The following SERPINF1 variants were observed in gnomAD, a reference collection of about 807,000 sequenced individuals.
SERPINF1 encodes pigment epithelium-derived factor.
A neutral mutation model predicts 37.3 loss-of-function variants in SERPINF1; 29 were observed. The observed-to-expected ratio is 0.78, with a 90% CI of 0.58 to 1.06. SERPINF1 has a LOEUF of 1.06. Among genes scored for constraint, SERPINF1 ranks in the 50% least tolerant of loss-of-function variants. The pLI, the probability that SERPINF1 is intolerant of heterozygous loss-of-function variation, is 0.00. For missense variants in SERPINF1, 553 were observed against 532.2 expected, an observed-to-expected ratio of 1.04 and a Z score of -0.38; for synonymous variants, 281 against 227.9, an observed-to-expected ratio of 1.23 and a Z score of -2.10.
At chr17:1,767,361 C>T (rs533245563) in intron 2 of SERPINF1, among the ~76,000 whole-genome samples, 5 of 152,294 alleles carry the variant, frequency 3.3e-5, no homozygotes, top group Admixed American at 6.5e-5. Context: ...AGGCTGGTCT[C>T]GAACTCCCGA....
chr17:1,765,143 C>CTTT (rs34386380), intron 1 of SERPINF1, among the ~76,000 whole-genome samples: 3 of 124,778 alleles, frequency 2.4e-5, no homozygotes, highest in Admixed American at 8.3e-5. Flanking sequence ...TGCGCCTGGC[C>CTTT]TTTTTTTTTT....
chr17:1,776,868 T>G (rs1908066392), intron 7 of SERPINF1, 126 bp downstream of exon 7: 1 of 882,760 alleles, frequency 1.1e-6, no homozygotes, highest in Non-Finnish European at 1.8e-6. Flanking sequence ...GATGAGTCCT[T>G]AATCCTCATC....
intron 2 of SERPINF1, among the ~76,000 whole-genome samples, chr17:1,769,510 G>A (rs1049637946): frequency 6.6e-6 from 1 of 152,170 alleles, no homozygotes; most frequent in African/African-American, 2.4e-5. Context: ...TGTAATCCCA[G>A]CCATTTGGGA....
rs747985883 is a variant in SERPINF1 at position 1,775,243 on chromosome 17, A to AGG, written c.786+44_786+45dup. On this transcript the variant is annotated intron_variant, in intron 6 of 7. Transcript: ENST00000254722. The stretch of plus-strand genomic sequence containing the variant: ...CAGGGTGGGGGGTGGATGGAGGGAG[A>AGG]GGATAGAGAAGCAAAACAGGGTAGT... 2.5e-6 allele frequency: 4 copies of AGG among 1,590,962 alleles called. No homozygotes were observed. The East Asian group carries it at 9.0e-5, about 36-fold the overall frequency.
chr17:1,777,531 T>A lies in SERPINF1; in HGVS notation c.*85T>A. Reference sequence around the variant, plus strand: ...GGACACGAAGGCTGCCCCTGTAAGGTTTCAATGCATACAATAAAAGAGCTT... The same window carrying A: ...GGACACGAAGGCTGCCCCTGTAAGGATTCAATGCATACAATAAAAGAGCTT... On this transcript the variant is annotated 3_prime_UTR_variant, in exon 8 of 8. Transcript: ENST00000254722. 1 of 1,521,090 alleles carries A rather than the reference T, an allele frequency of 6.6e-7. No individual in the cohort carries two copies. Among genetic ancestry groups the A allele is most frequent in the South Asian group, 1.1e-5 (1 of 88,528 alleles). The allele number at this position is 1,521,090 out of a possible 1,614,324, so 94.2% of individuals were successfully genotyped here. A position where few individuals can be genotyped will look rare whatever the true frequency, so the allele number is the denominator to read the frequency against.
intron 2 of SERPINF1, among the ~76,000 whole-genome samples, chr17:1,768,855 G>T (rs1027983345): frequency 2.6e-5 from 4 of 151,770 alleles, no homozygotes; most frequent in African/African-American, 9.7e-5. Flanking sequence ...ACCCAGGCTG[G>T]AGTACAGTGG....
At chr17:1,762,491 G>T (rs557784624) in intron 1 of SERPINF1, among the ~76,000 whole-genome samples, 1 of 152,330 alleles carries the variant, frequency 6.6e-6, no homozygotes, top group Admixed American at 6.5e-5. Context: ...GAGGCAAGGA[G>T]GCTCACGGGA....
intron 5 of SERPINF1, among the ~76,000 whole-genome samples, chr17:1,774,677 G>A (rs1390232595): frequency 1.3e-5 from 2 of 151,898 alleles, no homozygotes; most frequent in African/African-American, 4.8e-5. Context: ...GGCCAGGCTG[G>A]TCTCAAACTC....
At position 1,776,726 on chromosome 17, in the gene SERPINF1, G is replaced by C. The variant is rs748169395; in HGVS notation, c.981G>C (p.Lys327Asn). ...TGAGTTATGAAGGCGAAGTCACCAA[G>C]TCCCTGCAGGAGATGAGTATGTCTG... ...LKLSYEGEVTKSLQEMKLQSL... is the reference protein window; with the variant it reads ...LKLSYEGEVTNSLQEMKLQSL... The change falls in exon 7 of 8, where the codon AAG becomes AAC. Residue 327 changes from lysine to asparagine, a missense_variant. Lys to Asn is a moderately conservative substitution (Grantham distance 94, BLOSUM62 0). Coordinates refer to ENST00000254722, the MANE Select transcript of SERPINF1 (RefSeq NM_002615.7). 47 of 1,613,052 alleles carry C rather than the reference G, an allele frequency of 2.9e-5. No homozygotes were observed. In the Admixed American group the frequency reaches 7.3e-4, roughly 25 times the overall value.
At chr17:1,770,452 C>CT (rs35913837) in intron 3 of SERPINF1, 13,096 of 161,954 alleles carry the variant, frequency 0.081, 618 homozygotes, top group African/African-American at 0.16. Context: ...ACAGAATAGT[C>CT]TTTTTTTTTT....
chr17:1,768,605 C>CT (rs1567753486), intron 2 of SERPINF1, among the ~76,000 whole-genome samples: 1 of 151,378 alleles, frequency 6.6e-6, no homozygotes, highest in African/African-American at 2.4e-5. Context: ...TCCCAAATAG[C>CT]TGGGACCACA....
chr17:1,770,521 G>C (rs906135724), intron 3 of SERPINF1: 3 of 219,532 alleles, frequency 1.4e-5, no homozygotes, highest in Non-Finnish European at 2.7e-5. Flanking sequence ...GTGCAGTGGT[G>C]TGATCTCAGC....
chr17:1,769,679 A>G (rs989272685), intron 2 of SERPINF1, 173 bp from the exon 3 acceptor site: 23 of 702,788 alleles, frequency 3.3e-5, no homozygotes, highest in Non-Finnish European at 5.1e-5. Flanking sequence ...CAGAGAGCTC[A>G]TGCGTGATCA....
intron 2 of SERPINF1, among the ~76,000 whole-genome samples, chr17:1,769,358 G>A (rs1250277141): frequency 6.7e-6 from 1 of 149,850 alleles, no homozygotes; most frequent in Admixed American, 6.7e-5. Flanking sequence ...GCAGTGAGCC[G>A]AGATCACGCC....
In SERPINF1 at chr17:1,775,124, G is replaced by A. The variant is rs1354774384; in HGVS notation, c.710G>A (p.Arg237Lys). 1.2e-6 allele frequency: 2 copies of A among 1,614,114 alleles called. No homozygotes were observed. Among genetic ancestry groups the A allele is most frequent in the East Asian group, 2.2e-5 (1 of 44,870 alleles). ...GAGGATTTCTACTTGGATGAAGAGA[G>A]GACCGTGAGGGTCCCCATGATGTCG... ...SLEDFYLDEE[R>K]TVRVPMMSDP... is the part of the protein sequence containing the mutation. Residue 237 changes from arginine to lysine, a missense_variant, in exon 6 of 8, where the codon AGG becomes AAG. Coordinates refer to ENST00000254722, the MANE Select transcript of SERPINF1 (RefSeq NM_002615.7).
chr17:1,772,547 G>A (rs1907810956), intron 5 of SERPINF1, among the ~76,000 whole-genome samples: 3 of 150,940 alleles, frequency 2.0e-5, no homozygotes, highest in South Asian at 4.2e-4. Context: ...CACCGCGCCC[G>A]GCCCTTTTAC....
chr17:1,762,571 C>T (rs1907149554), intron 1 of SERPINF1, among the ~76,000 whole-genome samples: 1 of 152,186 alleles, frequency 6.6e-6, no homozygotes, highest in Non-Finnish European at 1.5e-5. Context: ...GCTCCCTCGG[C>T]TCCCTGCTAC....
In SERPINF1 at chr17:1,771,703, G is replaced by A; in HGVS notation, c.440-169G>A. 5.7e-6 allele frequency: 4 copies of A among 700,268 alleles called. 1 individual carries two copies. Among genetic ancestry groups the A allele is most frequent in the Non-Finnish European group, 1.0e-5 (4 of 390,656 alleles). The allele number at this position is 700,268 out of a possible 1,614,324, so 43.4% of individuals were successfully genotyped here. On this transcript the variant is annotated intron_variant, in intron 4 of 7. Transcript: ENST00000254722. ...TGTGGGGAAATCTGCTGCCCCCCTG[G>A]CCAGTGCCTGGGGATGCCAGCAGAA... is the stretch of plus-strand genomic sequence containing the variant.
rs542471978 is a variant in SERPINF1 at position 1,771,001 on chromosome 17, T to C, written c.284-28T>C. On this transcript the variant is annotated intron_variant, in intron 3 of 7. Coordinates refer to ENST00000254722, the MANE Select transcript of SERPINF1 (RefSeq NM_002615.7). ...GATTTGGGGCCCTGGTGTGCAGTTA[T>C]CAACGTCCACATCCTTGTCTCTGGC... 8.5e-5 allele frequency: 137 copies of C among 1,613,730 alleles called. 1 individual carries two copies. The South Asian group carries it at 1.4e-3, about 17-fold the overall frequency.
Sources: allele counts gnomAD v4.1 joint callset (sites outside exome capture counted in the v4.1 genomes callset), GRCh38; gene constraint gnomAD v4.1.1; transcripts MANE v1.5; gene names NCBI Gene and HGNC (gene_info 2026-07-23, HGNC 2026-07-21).